Variants in PCDH9 observed in about 807,000 individuals in gnomAD.
PCDH9 encodes the protein protocadherin 9, also known as protocadherin-9.
Under a neutral mutation model 70.6 loss-of-function variants are expected in PCDH9, and 24 were observed. That is an observed-to-expected ratio of 0.34 (90% CI 0.25 to 0.48). The LOEUF is 0.48. Ranked by LOEUF, PCDH9 falls within the 20% of genes least tolerant of loss-of-function variation. The probability of loss-of-function intolerance (pLI) is 0.99; values close to 1 mark genes in which losing one functional copy is unlikely to be tolerated. For missense variants in PCDH9, 1,281 were observed against 1,503.6 expected (o/e 0.85, Z 2.45); for synonymous variants, 562 against 558.5 (o/e 1.01, Z -0.09).
chr13:66,412,935 G>A (rs924911047), intron 4 of PCDH9, among the ~76,000 whole-genome samples: 1 of 152,196 alleles, frequency 6.6e-6, no homozygotes, highest in Admixed American at 6.5e-5. Context: ...CAGGGAATAT[G>A]TTCATTATTT....
intron 2 of PCDH9, among the ~76,000 whole-genome samples, chr13:66,983,011 G>A (rs1158928502): frequency 6.6e-6 from 1 of 152,098 alleles, no homozygotes; most frequent in Non-Finnish European, 1.5e-5. Flanking sequence ...CAAGTAAAAT[G>A]TTTATAAAAG....
intron 4 of PCDH9, among the ~76,000 whole-genome samples, chr13:66,603,668 A>G (rs73194766): frequency 0.16 from 24,604 of 151,914 alleles, 2,168 homozygotes; most frequent in Middle Eastern, 0.22. Context: ...GAGATATGAC[A>G]CTTATTCAAA....
intron 4 of PCDH9, among the ~76,000 whole-genome samples, chr13:66,491,128 C>T (rs1221797049): frequency 1.3e-5 from 2 of 152,120 alleles, no homozygotes; most frequent in African/African-American, 4.8e-5. Flanking sequence ...CTGCCTCTTA[C>T]AAAATAGGCA....
intron 3 of PCDH9, among the ~76,000 whole-genome samples, chr13:66,849,486 GTATATATA>G (rs144181181): frequency 0.017 from 1,554 of 90,150 alleles, 32 homozygotes; most frequent in Non-Finnish European, 0.021. Flanking sequence ...TCATAGGTAG[GTATATATA>G]TATATATATA....
At chr13:66,945,015 C>T (rs1345135976) in intron 2 of PCDH9, among the ~76,000 whole-genome samples, 1 of 152,020 alleles carries the variant, frequency 6.6e-6, no homozygotes, top group African/African-American at 2.4e-5. Context: ...CCAACATTAA[C>T]CTCTTTGGCA....
intron 2 of PCDH9, among the ~76,000 whole-genome samples, chr13:66,975,295 A>C (rs1186769790): frequency 6.6e-6 from 1 of 152,062 alleles, no homozygotes; most frequent in Admixed American, 6.6e-5. Context: ...ACTATTTGGG[A>C]AGGAAGATAC....
chr13:66,608,246 C>T (rs1234837607), intron 4 of PCDH9, among the ~76,000 whole-genome samples: 1 of 151,944 alleles, frequency 6.6e-6, no homozygotes, highest in East Asian at 1.9e-4. Flanking sequence ...AAAGAGTTTA[C>T]ACATTATCAT....
chr13:67,138,671 C>T (rs966071777), intron 2 of PCDH9, among the ~76,000 whole-genome samples: 1 of 152,186 alleles, frequency 6.6e-6, no homozygotes, highest in African/African-American at 2.4e-5. Flanking sequence ...TATGCTCAGG[C>T]CTGCGCCCGC....
At chr13:66,873,804 T>C (rs1224080752) in intron 3 of PCDH9, among the ~76,000 whole-genome samples, 1 of 152,118 alleles carries the variant, frequency 6.6e-6, no homozygotes, top group African/African-American at 2.4e-5. Flanking sequence ...ACACTCTAGA[T>C]ATGCGTCATT....
At chr13:66,340,780 A>G (rs972000644) in intron 4 of PCDH9, among the ~76,000 whole-genome samples, 6 of 152,198 alleles carry the variant, frequency 3.9e-5, no homozygotes, top group African/African-American at 9.7e-5. Context: ...TGATGATCCA[A>G]CGTATGACAA....
At chr13:66,872,609 C>G (rs1310789180) in intron 3 of PCDH9, among the ~76,000 whole-genome samples, 1 of 152,014 alleles carries the variant, frequency 6.6e-6, no homozygotes, top group Non-Finnish European at 1.5e-5. Flanking sequence ...TGTATTTATT[C>G]TCTTAAAACA....
intron 4 of PCDH9, among the ~76,000 whole-genome samples, chr13:66,471,594 CG>C (rs1413820497): frequency 6.6e-6 from 1 of 152,054 alleles, no homozygotes; most frequent in Non-Finnish European, 1.5e-5. Flanking sequence ...CTATGTGAAA[CG>C]GCTTACTTGT....
At chr13:66,740,253 C>T (rs1034647259) in intron 3 of PCDH9, among the ~76,000 whole-genome samples, 8 of 132,124 alleles carry the variant, frequency 6.1e-5, no homozygotes, top group Middle Eastern at 3.6e-3. Flanking sequence ...GGGTACATAA[C>T]GAAATGAAGG....
At chr13:66,676,211 G>T (rs2078240384) in intron 3 of PCDH9, among the ~76,000 whole-genome samples, 1 of 152,064 alleles carries the variant, frequency 6.6e-6, no homozygotes, top group African/African-American at 2.4e-5. Flanking sequence ...GCAGCTCCAA[G>T]TAAACTCTCA....
At position 66,620,642 on chromosome 13, in the gene PCDH9, C is replaced by CA. The variant is rs558976784; in HGVS notation, c.3340+10567dup. ...GTATGCTTACTAGTATTTATTCTAA[C>CA]ACACTAATTTTATTGGTATCTAGTA... On this transcript the variant is annotated intron_variant, in intron 4 of 4. Transcript: ENST00000377865. Among the ~76,000 whole-genome samples, 399 of 152,228 alleles carry CA rather than the reference C, an allele frequency of 2.6e-3. 3 individuals carry two copies. The highest frequency in any genetic ancestry group is 9.0e-3 in the African/African-American group (374 of 41,540).
intron 2 of PCDH9, among the ~76,000 whole-genome samples, chr13:66,931,918 A>G (rs1734794429): frequency 6.6e-6 from 1 of 152,104 alleles, no homozygotes; most frequent in Non-Finnish European, 1.5e-5. Context: ...AGTGACTGAA[A>G]ATGAGTAAGG....
chr13:66,822,134 G>GCA (rs1555272314), intron 3 of PCDH9, among the ~76,000 whole-genome samples: 3 of 41,508 alleles, frequency 7.2e-5, no homozygotes, highest in Admixed American at 3.8e-4. Flanking sequence ...CATCACACAC[G>GCA]CGCACACACA....
intron 4 of PCDH9, among the ~76,000 whole-genome samples, chr13:66,612,962 G>A (rs2138876001): frequency 6.6e-6 from 1 of 152,092 alleles, no homozygotes; most frequent in East Asian, 1.9e-4. Flanking sequence ...CAACATTTTT[G>A]GCATGCAAAG....
Position 67,226,031 on chromosome 13 carries a change from T to C in PCDH9, c.2410A>G (p.Ser804Gly), listed in dbSNP as rs1034105190. 6.8e-6 allele frequency: 11 copies of C among 1,614,014 alleles called. No individual in the cohort carries two copies. Among genetic ancestry groups the C allele is most frequent in the Non-Finnish European group, 8.5e-6 (10 of 1,180,022 alleles). The change falls in exon 2 of 5, where the codon AGC becomes GGC. Residue 804 changes from serine (S) to glycine (G), a missense_variant. By Grantham distance (56) the Ser-to-Gly change is moderately conservative. Coordinates refer to ENST00000377865, the MANE Select transcript of PCDH9 (RefSeq NM_203487.3). This position sits in a 1 kb window ranked among gnomAD's most constrained non-coding sequence, Gnocchi z 5.0. ...TAGTCCTCATTTTGATAGGGTTGGCTACTATCCCCTATGTTCCTGTCCAAC... is the reference window on the plus strand; with the variant it reads ...TAGTCCTCATTTTGATAGGGTTGGCCACTATCCCCTATGTTCCTGTCCAAC... ...TPLDRNIGDSSQPYQNEDYLT... is the reference protein window; with the variant it reads ...TPLDRNIGDSGQPYQNEDYLT...
Sources: gnomAD v4.1 joint callset for allele counts (sites outside exome capture counted in the v4.1 genomes callset) on GRCh38, gnomAD v4.1.1 for gene constraint, Gnocchi (gnomAD v3.1) non-coding constraint, MANE v1.5 for transcripts, NCBI Gene and HGNC (gene_info 2026-07-23, HGNC 2026-07-21) for gene names.